The following NCOA3 variants were observed in gnomAD, a reference collection of about 807,000 sequenced individuals.
The protein encoded by NCOA3 is nuclear receptor coactivator 3.
In NCOA3, 51 loss-of-function variants were observed where a neutral mutation model predicts 158.8. The ratio of observed to expected loss-of-function variants is 0.32; its 90% CI spans 0.26 to 0.41. The LOEUF (loss-of-function observed/expected upper bound fraction) is 0.41, where lower values mean the gene tolerates loss of function less well. NCOA3 is among the 10% of genes least tolerant of loss of function. The probability of loss-of-function intolerance (pLI) is 1.00; values close to 1 mark genes in which losing one functional copy is unlikely to be tolerated. For synonymous variants in NCOA3, 537 were observed against 592.4 expected (o/e 0.91, Z 1.36); for missense variants, 1,510 against 1,746.6 (o/e 0.86, Z 2.41).
At chr20:47,590,042 C>A (rs1295953245) in intron 2 of NCOA3, among the ~76,000 whole-genome samples, 1 of 152,018 alleles carries the variant, frequency 6.6e-6, no homozygotes, top group Non-Finnish European at 1.5e-5. Context: ...CTCAAATAAT[C>A]CCCCTGCATT....
intron 1 of NCOA3, among the ~76,000 whole-genome samples, chr20:47,522,643 C>T (rs991071903): frequency 2.0e-5 from 3 of 151,842 alleles, no homozygotes; most frequent in Non-Finnish European, 4.4e-5. Context: ...TCGCGTAGCC[C>T]GTGAAAAAGC....
At chr20:47,564,211 T>C (rs1223002102) in intron 1 of NCOA3, among the ~76,000 whole-genome samples, 1 of 152,046 alleles carries the variant, frequency 6.6e-6, no homozygotes, top group East Asian at 1.9e-4. Context: ...TATGAGCAGA[T>C]ACATCTATAT....
At chr20:47,532,946 A>G (rs1239189443) in intron 1 of NCOA3, among the ~76,000 whole-genome samples, 1 of 151,694 alleles carries the variant, frequency 6.6e-6, no homozygotes, top group Non-Finnish European at 1.5e-5. Context: ...TGTACTACAA[A>G]TACAAAAAAA....
chr20:47,558,545 G>A (rs754521345), intron 1 of NCOA3, among the ~76,000 whole-genome samples: 6 of 152,072 alleles, frequency 3.9e-5, no homozygotes, highest in Admixed American at 2.0e-4. Context: ...AACTCTACCA[G>A]TTCTTCCACT....
chr20:47,517,454 T>TTTC (rs1003228071), intron 1 of NCOA3, among the ~76,000 whole-genome samples: 1 of 143,324 alleles, frequency 7.0e-6, no homozygotes, highest in African/African-American at 2.7e-5. Context: ...TCTTTTTCTT[T>TTTC]TTTTTTTTTT....
intron 2 of NCOA3, among the ~76,000 whole-genome samples, chr20:47,590,968 G>A (rs2085624428): frequency 6.6e-6 from 1 of 151,872 alleles, no homozygotes. Flanking sequence ...AATTAGCTGG[G>A]GGTGGTGATG....
intron 1 of NCOA3, among the ~76,000 whole-genome samples, chr20:47,508,065 G>T (rs1318261297): frequency 2.6e-5 from 4 of 152,180 alleles, no homozygotes; most frequent in Non-Finnish European, 5.9e-5. Context: ...AAAAGGGATA[G>T]TAATGATGTA....
chr20:47,546,712 G>T (rs373808880), intron 1 of NCOA3, among the ~76,000 whole-genome samples: 13 of 152,000 alleles, frequency 8.6e-5, no homozygotes, highest in African/African-American at 2.9e-4. Context: ...TGTATTTTTA[G>T]TAGAGATGGG....
intron 5 of NCOA3, among the ~76,000 whole-genome samples, chr20:47,626,694 A>G (rs1208423902): frequency 2.0e-5 from 3 of 152,282 alleles, no homozygotes; most frequent in South Asian, 4.1e-4. Flanking sequence ...TATTTCTTAC[A>G]GTGTTGGTGG....
intron 1 of NCOA3, among the ~76,000 whole-genome samples, chr20:47,554,245 T>G (rs2084967716): frequency 6.6e-6 from 1 of 152,138 alleles, no homozygotes; most frequent in Admixed American, 6.5e-5. Context: ...TTGATGGGGT[T>G]GTTTGTTTTT....
rs999724442 is a variant in NCOA3, at chr20:47,655,604, G to A, written c.*2187G>A. 2.0e-5 allele frequency: 3 copies of A among 152,514 alleles called. No homozygotes were observed. The highest frequency in any genetic ancestry group is 2.4e-5 in the African/African-American group (1 of 41,398). 9.4% of individuals were successfully genotyped at this position (152,514 alleles called of 1,614,324 possible). A position where few individuals can be genotyped will look rare whatever the true frequency, so the allele number is the denominator to read the frequency against. The stretch of plus-strand genomic sequence containing the variant: ...TAAATCCGAAAACTTCCATTGTAGT[G>A]GCCTGTGCTTTTCAGATAGTATACT... On this transcript the variant is annotated 3_prime_UTR_variant, in exon 23 of 23. Transcript: ENST00000371998.
intron 6 of NCOA3, 82 bp from the exon 7 acceptor site, chr20:47,627,479 A>C: frequency 8.9e-7 from 1 of 1,126,056 alleles, no homozygotes. Flanking sequence ...GCATAATGAG[A>C]AAATGCAGCT....
At chr20:47,651,419 T>C in intron 20 of NCOA3, 143 bp downstream of exon 20, 1 of 1,344,158 alleles carries the variant, frequency 7.4e-7, no homozygotes, top group East Asian at 2.5e-5. Flanking sequence ...ATTTAAATGA[T>C]TGGAAAACAA....
At chr20:47,542,329 C>A (rs956992771) in intron 1 of NCOA3, among the ~76,000 whole-genome samples, 1 of 151,840 alleles carries the variant, frequency 6.6e-6, no homozygotes, top group Non-Finnish European at 1.5e-5. Context: ...CACAAGTAAC[C>A]GTGCCCGGCT....
chr20:47,599,349 T>G (rs2085819119), intron 2 of NCOA3, among the ~76,000 whole-genome samples: 2 of 149,342 alleles, frequency 1.3e-5, no homozygotes, highest in African/African-American at 2.5e-5. Context: ...AGGGCAGGGG[T>G]GAATAGGTGG....
intron 1 of NCOA3, among the ~76,000 whole-genome samples, chr20:47,571,301 G>C (rs572355728): frequency 6.7e-6 from 1 of 150,264 alleles, no homozygotes; most frequent in East Asian, 2.0e-4. Context: ...CACCGTGCCC[G>C]GCTAATTTTC....
chr20:47,501,889 C>G lies in NCOA3; in HGVS notation c.-229C>G, dbSNP rs1360662254. The G allele has an allele frequency of 2.5e-6, 1 of 398,894 alleles. No individual in the cohort carries two copies. Among genetic ancestry groups the G allele is most frequent in the South Asian group, 1.3e-4 (1 of 7,852 alleles). The allele number at this position is 398,894 out of a possible 1,614,324, so 24.7% of individuals were successfully genotyped here. A position where few individuals can be genotyped will look rare whatever the true frequency, so the allele number is the denominator to read the frequency against. Reference sequence around the variant, plus strand: ...AGTGGCCCCCGTGCGGCGACTTTAGCTGCTGCTGTCTCAGCCGCTCCACAG... The same window carrying G: ...AGTGGCCCCCGTGCGGCGACTTTAGGTGCTGCTGTCTCAGCCGCTCCACAG... On this transcript the variant is annotated 5_prime_UTR_variant, in exon 1 of 23. Coordinates refer to ENST00000371998, the MANE Select transcript of NCOA3 (RefSeq NM_181659.3).
At chr20:47,517,006 T>C (rs1186732191) in intron 1 of NCOA3, among the ~76,000 whole-genome samples, 1 of 151,974 alleles carries the variant, frequency 6.6e-6, no homozygotes, top group Non-Finnish European at 1.5e-5. Flanking sequence ...ATGAATCACT[T>C]GAAGTTAGGA....
At chr20:47,606,581 C>T (rs1215144646) in intron 2 of NCOA3, among the ~76,000 whole-genome samples, 1 of 152,208 alleles carries the variant, frequency 6.6e-6, no homozygotes, top group Non-Finnish European at 1.5e-5. Flanking sequence ...TTTCACTGTA[C>T]CCTTAAGTAC....
Sources: gnomAD v4.1 joint callset for allele counts (sites outside exome capture counted in the v4.1 genomes callset) on GRCh38, gnomAD v4.1.1 for gene constraint, MANE v1.5 for transcripts, NCBI Gene and HGNC (gene_info 2026-07-23, HGNC 2026-07-21) for gene names.